The following SNED1 variants were observed in gnomAD, a reference collection of about 807,000 sequenced individuals.
SNED1 encodes the protein sushi, nidogen and EGF-like domain-containing protein 1.
A neutral mutation model predicts 166.7 loss-of-function variants in SNED1; 81 were observed. The observed-to-expected ratio is 0.49, with a 90% CI of 0.41 to 0.58. The LOEUF (loss-of-function observed/expected upper bound fraction) is 0.58. Ranked by LOEUF, SNED1 falls within the 20% of genes least tolerant of loss-of-function variation. The pLI is 0.00. For missense variants in SNED1, 1,604 were observed against 2,000.2 expected (o/e 0.80, Z 3.78); for synonymous variants, 762 against 822.0 (o/e 0.93, Z 1.25).
At chr2:241,022,192 T>C (rs1350269182) in intron 1 of SNED1, among the ~76,000 whole-genome samples, 1 of 152,238 alleles carries the variant, frequency 6.6e-6, no homozygotes, top group Non-Finnish European at 1.5e-5. Context: ...TTTCATTTCC[T>C]AAAGGTGTCC....
In SNED1 at chr2:241,069,736, C is replaced by T. The variant is rs2062616956; in HGVS notation, c.3308-184C>T. Reference sequence around the variant, plus strand: ...GTGGCAACCAGGGGCCTGCAGGTCTCTCGGTTGGAAGATTGTGCTGTACGT... The same window carrying T: ...GTGGCAACCAGGGGCCTGCAGGTCTTTCGGTTGGAAGATTGTGCTGTACGT... On this transcript the variant is annotated intron_variant, in intron 23 of 31. Coordinates refer to ENST00000310397, the MANE Select transcript of SNED1 (RefSeq NM_001080437.3). This position sits in a 1 kb window ranked among gnomAD's most constrained non-coding sequence, Gnocchi z 4.9. Among the ~76,000 whole-genome samples the T allele has an allele frequency of 6.6e-6, 1 of 152,130 alleles. No homozygotes were observed. The highest frequency in any genetic ancestry group is 2.4e-5 in the African/African-American group (1 of 41,440).
At position 241,073,421 on chromosome 2, in the gene SNED1, T is replaced by C. The variant is rs1198270919; in HGVS notation, c.3916+57T>C. 9.9e-6 allele frequency: 14 copies of C among 1,420,664 alleles called. No homozygotes were observed. Among genetic ancestry groups the C allele is most frequent in the East Asian group, 2.5e-5 (1 of 40,284 alleles). 88.0% of individuals were successfully genotyped at this position (1,420,664 alleles called of 1,614,324 possible). ...ACTGACTGACTGCTCTCAGGGGCCTTAGAGGCTGCAGGCAGGAGGGACCAC... is the reference window on the plus strand; with the variant it reads ...ACTGACTGACTGCTCTCAGGGGCCTCAGAGGCTGCAGGCAGGAGGGACCAC... On this transcript the variant is annotated intron_variant, in intron 27 of 31. Transcript: ENST00000310397. This position sits in a 1 kb window ranked among gnomAD's most constrained non-coding sequence, Gnocchi z 6.6.
At chr2:241,024,457 C>G (rs917602083) in intron 1 of SNED1, among the ~76,000 whole-genome samples, 15 of 150,622 alleles carry the variant, frequency 1.0e-4, no homozygotes, top group Non-Finnish European at 1.8e-4. Flanking sequence ...CTATGTTGGC[C>G]AGGCTGGTCT....
intron 16 of SNED1, among the ~76,000 whole-genome samples, chr2:241,061,452 T>C (rs1045509120): frequency 2.6e-5 from 4 of 152,222 alleles, no homozygotes; most frequent in African/African-American, 9.6e-5. Context: ...TGTGGCACTC[T>C]GCCTGTTGAG....
intron 11 of SNED1, 93 bp downstream of exon 11, chr2:241,049,228 T>G: frequency 1.1e-6 from 1 of 933,126 alleles, no homozygotes; most frequent in South Asian, 1.5e-5. Flanking sequence ...CCAGAGTCCC[T>G]ACTTCCCTTC....
chr2:241,057,315 G>T (rs919254214), intron 16 of SNED1, among the ~76,000 whole-genome samples: 1 of 149,794 alleles, frequency 6.7e-6, no homozygotes, highest in Non-Finnish European at 1.5e-5. Context: ...GGAGGCGGAG[G>T]TTGCAATGAG....
chr2:241,032,121 A>T (rs1303852931), intron 2 of SNED1, among the ~76,000 whole-genome samples: 1 of 152,172 alleles, frequency 6.6e-6, no homozygotes, highest in Non-Finnish European at 1.5e-5. Flanking sequence ...AGGCCAAGTC[A>T]GAGGGATCAC....
chr2:241,008,231 T>A (rs960316395), intron 1 of SNED1, among the ~76,000 whole-genome samples: 4 of 152,232 alleles, frequency 2.6e-5, no homozygotes, highest in African/African-American at 9.6e-5. Flanking sequence ...GTCAGTGCCG[T>A]GACCAGGGGC....
Position 241,033,866 on chromosome 2 carries a change from C to A in SNED1, c.633C>A (p.Ile211=). The stretch of plus-strand genomic sequence containing the variant: ...GCAACGCCACTGGCCTCGGGGGCAT[C>A]GCAGCCCAGGTAGGCGAGTGCAGTC... ...SGGNATGLGG[I]AAQAGFNAGD... The change falls in exon 3 of 32, where the codon ATC becomes ATA. Residue 211 remains isoleucine (I), a synonymous_variant. Coordinates refer to ENST00000310397, the MANE Select transcript of SNED1 (RefSeq NM_001080437.3). 6.2e-7 allele frequency: 1 copy of A among 1,602,680 alleles called. No individual in the cohort carries two copies. Among genetic ancestry groups the A allele is most frequent in the South Asian group, 1.1e-5 (1 of 88,932 alleles).
Position 241,062,813 on chromosome 2 carries a change from G to C in SNED1, c.2280G>C (p.Gln760His). The C allele has an allele frequency of 6.2e-7, 1 of 1,611,146 alleles. No homozygotes were observed. The highest frequency in any genetic ancestry group is 8.5e-7 in the Non-Finnish European group (1 of 1,178,752). The change falls in exon 17 of 32, where the codon CAG (glutamine) becomes CAC (histidine). Residue 760 changes from glutamine (Q) to histidine (H), a missense_variant. This residue lies in a region of SNED1 where 1,237 missense variants were observed against 1,620.8 expected (regional missense o/e 0.76). Transcript: ENST00000310397. Reference protein sequence around the residue: ...QCLEIDECRSQPCLHGGSCQD... With the variant: ...QCLEIDECRSHPCLHGGSCQD... ...CAGAAATCGATGAGTGCCGGTCTCA[G>C]CCGTGCCTGCATGGGGGCTCTTGTC...
intron 1 of SNED1, among the ~76,000 whole-genome samples, chr2:241,022,117 T>C (rs2060792910): frequency 6.6e-6 from 1 of 152,260 alleles, no homozygotes; most frequent in Non-Finnish European, 1.5e-5. Context: ...CTTTATATCT[T>C]CTAGATATAT....
In SNED1 at chr2:241,073,564, G is replaced by A. The variant is rs2062854169; in HGVS notation, c.3916+200G>A. ...CCCAAGCAGTGGGACCCCACAGACG[G>A]GAACAGGCCAGGGGGCAGGACCCAC... is the stretch of plus-strand genomic sequence containing the variant. On this transcript the variant is annotated intron_variant, in intron 27 of 31. Transcript: ENST00000310397. The surrounding 1 kb of genome is among the most constrained non-coding windows in gnomAD (Gnocchi z 6.6). 1.6e-6 allele frequency: 1 copy of A among 626,018 alleles called. No homozygotes were observed. Among genetic ancestry groups the A allele is most frequent in the South Asian group, 1.9e-5 (1 of 53,932 alleles). The allele number at this position is 626,018 out of a possible 1,614,324, so 38.8% of individuals were successfully genotyped here. A position where few individuals can be genotyped will look rare whatever the true frequency, so the allele number is the denominator to read the frequency against.
At chr2:241,020,989 A>C (rs2060755362) in intron 1 of SNED1, among the ~76,000 whole-genome samples, 3 of 152,168 alleles carry the variant, frequency 2.0e-5, no homozygotes, top group Non-Finnish European at 4.4e-5. Context: ...ACAGCTGCAC[A>C]CACCCAGGTT....
rs917804540 is a variant in SNED1 at position 241,018,492 on chromosome 2, G to T, written c.214-11792G>T. ...TCACTCAGCCCCCTGCACGTCCCGG[G>T]GTCTAAGGTGGTCCCTGGTCAGGAG... On this transcript the variant is annotated intron_variant, in intron 1 of 31. Coordinates refer to ENST00000310397, the MANE Select transcript of SNED1 (RefSeq NM_001080437.3). The surrounding 1 kb of genome is among the most constrained non-coding windows in gnomAD (Gnocchi z 5.4). 3.3e-5 allele frequency among the ~76,000 whole-genome samples: 5 copies of T among 152,202 alleles called. No homozygotes were observed. The highest frequency in any genetic ancestry group is 5.9e-5 in the Non-Finnish European group (4 of 68,040).
At chr2:241,089,361 C>A (rs745333252) in intron 31 of SNED1, 2 of 1,550,378 alleles carry the variant, frequency 1.3e-6, no homozygotes, top group South Asian at 1.2e-5. Context: ...TGTTTTGTTA[C>A]GTGCCTAAAA....
chr2:241,007,651 C>G (rs1158147261), intron 1 of SNED1, among the ~76,000 whole-genome samples: 2 of 152,114 alleles, frequency 1.3e-5, no homozygotes, highest in African/African-American at 4.8e-5. Flanking sequence ...TATCTGTTTT[C>G]AAGGGTAGGG....
At chr2:241,061,778 G>A (rs1056483510) in intron 16 of SNED1, among the ~76,000 whole-genome samples, 8 of 151,416 alleles carry the variant, frequency 5.3e-5, no homozygotes, top group African/African-American at 7.3e-5. Context: ...CCAGCTACTC[G>A]GGAGGCGGAG....
Position 241,056,580 on chromosome 2 carries a change from AT to A in SNED1, c.2257+3272del, listed in dbSNP as rs1172411061. Among the ~76,000 whole-genome samples the A allele has an allele frequency of 3.5e-3, 387 of 111,212 alleles. 3 individuals carry two copies. The highest frequency in any genetic ancestry group is 4.3e-3 in the Non-Finnish European group (254 of 59,554). 73.0% of individuals were successfully genotyped at this position (111,212 alleles called of 152,430 possible). ...GAATTAGGAATTCTGAATAAGTGAA[AT>A]TTTTTTTTTTTTTTTTTGAGACGGA... is the stretch of plus-strand genomic sequence containing the variant. On this transcript the variant is annotated intron_variant, in intron 16 of 31. Coordinates refer to ENST00000310397, the MANE Select transcript of SNED1 (RefSeq NM_001080437.3).
In SNED1 at chr2:241,051,398, G is replaced by C. The variant is rs1026499663; in HGVS notation, c.1736-346G>C. 6 of 239,864 alleles carry C rather than the reference G, an allele frequency of 2.5e-5. No individual in the cohort carries two copies. Among genetic ancestry groups the C allele is most frequent in the Non-Finnish European group, 3.2e-5 (4 of 125,364 alleles). The allele number at this position is 239,864 out of a possible 1,614,324, so 14.9% of individuals were successfully genotyped here. A position where few individuals can be genotyped will look rare whatever the true frequency, so the allele number is the denominator to read the frequency against. The stretch of plus-strand genomic sequence containing the variant: ...GATGAGACTCAGCTGCTTCCTGTCA[G>C]ATGGGGAATGCCCGTGTGCAGGAGG... On this transcript the variant is annotated intron_variant, in intron 12 of 31. Coordinates refer to ENST00000310397, the MANE Select transcript of SNED1 (RefSeq NM_001080437.3). The surrounding 1 kb of genome is among the most constrained non-coding windows in gnomAD (Gnocchi z 4.7).
Sources: gnomAD v4.1 joint callset for allele counts (sites outside exome capture counted in the v4.1 genomes callset) on GRCh38, gnomAD v4.1.1 for gene constraint, gnomAD v4.1.1 regional missense constraint, Gnocchi (gnomAD v3.1) non-coding constraint, MANE v1.5 for transcripts, NCBI Gene and HGNC (gene_info 2026-07-23, HGNC 2026-07-21) for gene names.